The following SPTAN1 variants were observed in gnomAD, a reference collection of about 807,000 sequenced individuals.
The protein encoded by SPTAN1 is spectrin alpha chain, non-erythrocytic 1.
SPTAN1 carries 61 observed loss-of-function variants against 331.3 expected under a neutral mutation model. The ratio of observed to expected loss-of-function variants is 0.18; its 90% CI spans 0.15 to 0.23. SPTAN1 has a LOEUF of 0.23. Among genes scored for constraint, SPTAN1 ranks in the 10% least tolerant of loss-of-function variants. The pLI is 1.00. For synonymous variants in SPTAN1, 1,153 were observed against 1,173.9 expected (o/e 0.98, Z 0.36); for missense variants, 2,043 against 3,147.9 (o/e 0.65, Z 8.40).
chr9:128,576,715 C>G, intron 5 of SPTAN1, 108 bp from the exon 6 acceptor site: 1 of 1,415,680 alleles, frequency 7.1e-7, no homozygotes, highest in Non-Finnish European at 9.7e-7. Context: ...TTGTGATTCT[C>G]TTCAGAGTGG....
chr9:128,576,319 A>G (rs1851299331), intron 5 of SPTAN1, among the ~76,000 whole-genome samples: 2 of 152,172 alleles, frequency 1.3e-5, no homozygotes, highest in Admixed American at 1.3e-4. Flanking sequence ...CAGGCTGACA[A>G]GACAGGATCA....
intron 3 of SPTAN1, 34 bp from the exon 4 acceptor site, chr9:128,574,641 T>G: frequency 6.2e-7 from 1 of 1,613,736 alleles, no homozygotes. Flanking sequence ...GAGCCAGTTG[T>G]GATCTGATTA....
chr9:128,604,934 G>GTAAA lies in SPTAN1; in HGVS notation c.3720-74_3720-71dup, dbSNP rs544418154. 2.0e-3 allele frequency: 2,519 copies of GTAAA among 1,229,482 alleles called. 12 individuals carry two copies. Among genetic ancestry groups the GTAAA allele is most frequent in the African/African-American group, 8.2e-3 (535 of 65,150 alleles). The allele number at this position is 1,229,482 out of a possible 1,614,324, so 76.2% of individuals were successfully genotyped here. On this transcript the variant is annotated intron_variant, in intron 29 of 56. Transcript: ENST00000372739. ...GTGACAAGAATGAAACTCCATCTCA[G>GTAAA]TAAATAAATAAATAAATAAATAAAT...
intron 40 of SPTAN1, among the ~76,000 whole-genome samples, chr9:128,614,612 A>G (rs930115083): frequency 6.6e-6 from 1 of 150,942 alleles, no homozygotes; most frequent in Non-Finnish European, 1.5e-5. Context: ...AAAAAAAAAC[A>G]CAAAAATTAA....
At chr9:128,606,470 GAC>G (rs1460082764) in intron 31 of SPTAN1, among the ~76,000 whole-genome samples, 17 of 118,584 alleles carry the variant, frequency 1.4e-4, no homozygotes, top group Admixed American at 3.1e-4. Context: ...TTTTTCCCTA[GAC>G]ATATATATAT....
intron 41 of SPTAN1, 105 bp downstream of exon 41, chr9:128,615,945 G>C: frequency 2.4e-6 from 3 of 1,260,510 alleles, no homozygotes; most frequent in Non-Finnish European, 3.4e-6. Flanking sequence ...CTGCTGGACT[G>C]GGATCCCAGC....
At chr9:128,578,311 G>T (rs1324709276) in intron 9 of SPTAN1, 66 bp downstream of exon 9, 5 of 1,592,446 alleles carry the variant, frequency 3.1e-6, no homozygotes, top group South Asian at 1.1e-5. Context: ...GTTTATCAGT[G>T]TTGGGTGAGG....
chr9:128,597,646 GT>G (rs1699579097), intron 24 of SPTAN1, among the ~76,000 whole-genome samples: 1 of 152,078 alleles, frequency 6.6e-6, no homozygotes, highest in Non-Finnish European at 1.5e-5. Flanking sequence ...TGTTTGTTTT[GT>G]TTTGTTTTTG....
chr9:128,626,088 G>A, intron 48 of SPTAN1, 110 bp downstream of exon 48: 1 of 1,352,372 alleles, frequency 7.4e-7, no homozygotes, highest in Non-Finnish European at 1.0e-6. Flanking sequence ...TGAGCTCAGT[G>A]CAGAGCTTTC....
intron 40 of SPTAN1, 47 bp from the exon 41 acceptor site, chr9:128,615,585 A>C: frequency 6.2e-7 from 1 of 1,600,212 alleles, no homozygotes; most frequent in Non-Finnish European, 8.6e-7. Flanking sequence ...TCAAGCAGAT[A>C]GCTGTGGGAG....
intron 37 of SPTAN1, among the ~76,000 whole-genome samples, chr9:128,610,753 T>G (rs1174195279): frequency 6.6e-6 from 1 of 152,180 alleles, no homozygotes; most frequent in Non-Finnish European, 1.5e-5. Flanking sequence ...ATCCTTCTCC[T>G]AGCCCTTTCA....
chr9:128,624,592 G>A, intron 46 of SPTAN1, 105 bp downstream of exon 46: 1 of 1,413,146 alleles, frequency 7.1e-7, no homozygotes, highest in East Asian at 2.5e-5. Context: ...TCAATTGTGG[G>A]CATGGCAGAG....
rs528814536 is a variant in SPTAN1, at chr9:128,586,372, A to T, written c.2778+407A>T. 2.0e-5 allele frequency among the ~76,000 whole-genome samples: 3 copies of T among 152,024 alleles called. No homozygotes were observed. The East Asian group carries it at 5.8e-4, about 29-fold the overall frequency. ...GGTTTCAAACTCCTGGCCTCAAACA[A>T]TCCTCCTGCCAAAGCCTCCCAAAAT... On this transcript the variant is annotated intron_variant, in intron 19 of 56. Transcript: ENST00000372739.
Position 128,626,936 on chromosome 9 carries a change from T to C in SPTAN1, c.6576+249T>C, listed in dbSNP as rs7038602. ...CTCAGGTGATCCTCTTGCCTGAGCC[T>C]CTTGAATAACTGGGACTACAAGCAC... On this transcript the variant is annotated intron_variant, in intron 49 of 56. Coordinates refer to ENST00000372739, the MANE Select transcript of SPTAN1 (RefSeq NM_001130438.3). The C allele has an allele frequency of 0.15, 95,398 of 622,788 alleles. 9,917 individuals are homozygous for C. Among genetic ancestry groups the C allele is most frequent in the East Asian group, 0.45 (14,642 of 32,368 alleles). 38.6% of individuals were successfully genotyped at this position (622,788 alleles called of 1,614,324 possible). A position where few individuals can be genotyped will look rare whatever the true frequency, so the allele number is the denominator to read the frequency against.
chr9:128,608,425 T>C, intron 34 of SPTAN1, 149 bp downstream of exon 34: 2 of 1,054,234 alleles, frequency 1.9e-6, no homozygotes, highest in Non-Finnish European at 2.7e-6. Flanking sequence ...ACTTTATAGA[T>C]TCTGGTATTT....
At chr9:128,628,516 A>G (rs1859150563) in intron 51 of SPTAN1, 4 of 274,654 alleles carry the variant, frequency 1.5e-5, no homozygotes, top group South Asian at 1.1e-4. Flanking sequence ...TGTGATAGAC[A>G]GGACGTGGGA....
chr9:128,587,005 G>C (rs1210001407), intron 19 of SPTAN1, among the ~76,000 whole-genome samples: 1 of 152,042 alleles, frequency 6.6e-6, no homozygotes, highest in Admixed American at 6.5e-5. Flanking sequence ...ATTTTTAGGA[G>C]AGATGGGGTT....
At position 128,633,385 on chromosome 9, in the gene SPTAN1, T is replaced by C; in HGVS notation, c.*51T>C. Reference sequence around the variant, plus strand: ...CGCTGCTTGCCCTGCGTCGCCTTGCTGCATGTCCGCTCCTCTGTGTGCTCT... The same window carrying C: ...CGCTGCTTGCCCTGCGTCGCCTTGCCGCATGTCCGCTCCTCTGTGTGCTCT... On this transcript the variant is annotated 3_prime_UTR_variant, in exon 57 of 57. Coordinates refer to ENST00000372739, the MANE Select transcript of SPTAN1 (RefSeq NM_001130438.3). 1 of 1,612,250 alleles carries C rather than the reference T, an allele frequency of 6.2e-7. No individual in the cohort carries two copies. The highest frequency in any genetic ancestry group is 8.5e-7 in the Non-Finnish European group (1 of 1,179,900).
chr9:128,565,779 T>C (rs1034106686), intron 1 of SPTAN1, among the ~76,000 whole-genome samples: 1 of 152,206 alleles, frequency 6.6e-6, no homozygotes, highest in African/African-American at 2.4e-5. Flanking sequence ...ATACCTTTTA[T>C]TATACATTGT....
Sources: gnomAD v4.1 joint callset for allele counts (sites outside exome capture counted in the v4.1 genomes callset) on GRCh38, gnomAD v4.1.1 for gene constraint, MANE v1.5 for transcripts, NCBI Gene and HGNC (gene_info 2026-07-23, HGNC 2026-07-21) for gene names.